Variants in EBF1 observed in about 807,000 individuals in gnomAD.
EBF1 encodes the protein EBF transcription factor 1, also known as transcription factor COE1.
In EBF1, 10 loss-of-function variants were observed where a neutral mutation model predicts 68.4. The observed-to-expected ratio is 0.15, with a 90% CI of 0.09 to 0.25. The LOEUF is 0.25. Ranked by LOEUF, EBF1 falls within the 10% of genes least tolerant of loss-of-function variation. The pLI is 1.00. For synonymous variants in EBF1, 298 were observed against 299.8 expected, an observed-to-expected ratio of 0.99 and a Z score of 0.06; for missense variants, 509 against 794.4, an observed-to-expected ratio of 0.64 and a Z score of 4.32.
At chr5:158,939,389 C>G (rs1202924658) in intron 6 of EBF1, among the ~76,000 whole-genome samples, 1 of 152,148 alleles carries the variant, frequency 6.6e-6, no homozygotes, top group Non-Finnish European at 1.5e-5. Context: ...TTAGAGGGAG[C>G]TGGAAAGCCT....
chr5:159,091,807 C>T (rs73305739), intron 4 of EBF1, among the ~76,000 whole-genome samples: 4,728 of 152,258 alleles, frequency 0.031, 252 homozygotes, highest in African/African-American at 0.11. Flanking sequence ...TTGGACCCCC[C>T]ACTGTCCTGG....
intron 6 of EBF1, among the ~76,000 whole-genome samples, chr5:158,982,764 G>T (rs1335857680): frequency 1.3e-5 from 2 of 148,648 alleles, no homozygotes; most frequent in Non-Finnish European, 3.0e-5. Flanking sequence ...AATCCTGTTG[G>T]TATTTAAAGC....
At chr5:159,003,020 TCTA>T (rs1438038167) in intron 6 of EBF1, among the ~76,000 whole-genome samples, 1 of 152,228 alleles carries the variant, frequency 6.6e-6, no homozygotes, top group African/African-American at 2.4e-5. Flanking sequence ...TTGGGATGCT[TCTA>T]CTGCCAGATA....
intron 6 of EBF1, among the ~76,000 whole-genome samples, chr5:158,904,905 T>G (rs1041241505): frequency 6.6e-6 from 1 of 152,198 alleles, no homozygotes; most frequent in African/African-American, 2.4e-5. Flanking sequence ...TCTCCAGCAT[T>G]AAGACAACAA....
Position 158,829,691 on chromosome 5 carries a change from C to T in EBF1, c.637-6374G>A, listed in dbSNP as rs1787069834. ...TAAAAGGTATTGATCACACTTCTAC[C>T]CTCAACCCCCTATAGTCTACATTCT... On this transcript the variant is annotated intron_variant, in intron 7 of 15. Coordinates refer to ENST00000313708, the MANE Select transcript of EBF1 (RefSeq NM_024007.5). 1.3e-5 allele frequency among the ~76,000 whole-genome samples: 2 copies of T among 152,046 alleles called. 1 individual carries two copies. The highest frequency in any genetic ancestry group is 1.3e-4 in the Admixed American group (2 of 15,268).
chr5:158,978,570 G>A (rs1335776254), intron 6 of EBF1, among the ~76,000 whole-genome samples: 1 of 151,810 alleles, frequency 6.6e-6, no homozygotes, highest in Non-Finnish European at 1.5e-5. Context: ...GAAACTATTT[G>A]AATAGTATGA....
chr5:158,939,971 C>A (rs1389381596), intron 6 of EBF1, among the ~76,000 whole-genome samples: 1 of 152,168 alleles, frequency 6.6e-6, no homozygotes, highest in Non-Finnish European at 1.5e-5. Context: ...TACACTTATA[C>A]CCTCTTACCA....
At chr5:159,077,744 G>GTTTTT (rs1491074253) in intron 5 of EBF1, among the ~76,000 whole-genome samples, 1 of 117,104 alleles carries the variant, frequency 8.5e-6, no homozygotes, top group Non-Finnish European at 1.8e-5. Flanking sequence ...GCAGTGGTTT[G>GTTTTT]CTTTTTTTTT....
intron 6 of EBF1, among the ~76,000 whole-genome samples, chr5:159,024,249 ACT>A (rs941460335): frequency 6.6e-6 from 1 of 151,940 alleles, no homozygotes; most frequent in African/African-American, 2.4e-5. Context: ...CTGCTGGAAG[ACT>A]CTTCCTGAGA....
Position 158,964,009 on chromosome 5 carries a change from T to A in EBF1, c.554+109387A>T, listed in dbSNP as rs1240389496. On this transcript the variant is annotated intron_variant, in intron 6 of 15. Coordinates refer to ENST00000313708, the MANE Select transcript of EBF1 (RefSeq NM_024007.5). The stretch of plus-strand genomic sequence containing the variant: ...GAAAAATGCTATGACGGAGAAAGAG[T>A]GCACACTTGTACCCTAAGTTGATGG... 2.6e-5 allele frequency among the ~76,000 whole-genome samples: 4 copies of A among 152,056 alleles called. No homozygotes were observed. In the East Asian group the frequency reaches 7.7e-4, roughly 29 times the overall value.
intron 6 of EBF1, among the ~76,000 whole-genome samples, chr5:158,934,814 C>T (rs913930923): frequency 6.6e-6 from 1 of 152,150 alleles, no homozygotes; most frequent in African/African-American, 2.4e-5. Flanking sequence ...ATGTCCTTCC[C>T]AGAAGAAGCA....
At chr5:158,929,808 G>A (rs1052417431) in intron 6 of EBF1, among the ~76,000 whole-genome samples, 10 of 152,206 alleles carry the variant, frequency 6.6e-5, no homozygotes, top group African/African-American at 2.2e-4. Flanking sequence ...AAGTTGCTGC[G>A]TGTTTCAGAT....
chr5:158,917,133 A>G (rs1280123392), intron 6 of EBF1, among the ~76,000 whole-genome samples: 2 of 152,214 alleles, frequency 1.3e-5, no homozygotes, highest in South Asian at 2.1e-4. Flanking sequence ...TTGACACTCA[A>G]TAAAAGAAAC....
intron 6 of EBF1, among the ~76,000 whole-genome samples, chr5:158,861,662 A>G (rs1794979303): frequency 1.3e-5 from 2 of 152,176 alleles, no homozygotes; most frequent in African/African-American, 4.8e-5. Context: ...GCTTAATGAG[A>G]TCCCAGGGCC....
intron 6 of EBF1, among the ~76,000 whole-genome samples, chr5:158,913,997 A>G (rs1419522798): frequency 6.6e-6 from 1 of 152,214 alleles, no homozygotes; most frequent in African/African-American, 2.4e-5. Flanking sequence ...AAGACCAGAT[A>G]TCAATAATTT....
intron 8 of EBF1, among the ~76,000 whole-genome samples, chr5:158,812,870 T>TA (rs1040558077): frequency 3.9e-5 from 6 of 152,064 alleles, no homozygotes; most frequent in African/African-American, 1.4e-4. Context: ...TGTTTAAAAA[T>TA]AAAAAAACAG....
chr5:158,731,350 T>C (rs896120250), intron 10 of EBF1, among the ~76,000 whole-genome samples, 193 bp from the exon 11 acceptor site: 1 of 152,070 alleles, frequency 6.6e-6, no homozygotes, highest in Non-Finnish European at 1.5e-5. Flanking sequence ...CGGTGGGGAG[T>C]GACCCGCCCA....
At chr5:159,049,631 G>C (rs1314393830) in intron 6 of EBF1, among the ~76,000 whole-genome samples, 1 of 152,220 alleles carries the variant, frequency 6.6e-6, no homozygotes, top group Non-Finnish European at 1.5e-5. Flanking sequence ...TTTTGGTTGA[G>C]ATCCAGCCCC....
intron 6 of EBF1, among the ~76,000 whole-genome samples, chr5:158,945,329 A>G (rs529989426): frequency 3.3e-5 from 5 of 152,256 alleles, no homozygotes; most frequent in African/African-American, 1.2e-4. Context: ...TAAATAGGGG[A>G]TTCTTTCCCC....
Sources: gnomAD v4.1 joint callset for allele counts (sites outside exome capture counted in the v4.1 genomes callset) on GRCh38, gnomAD v4.1.1 for gene constraint, MANE v1.5 for transcripts, NCBI Gene and HGNC (gene_info 2026-07-23, HGNC 2026-07-21) for gene names.